Variants in LRP1B observed in about 807,000 individuals in gnomAD.
LRP1B encodes the protein LDL receptor related protein 1B.
LRP1B carries 217 observed loss-of-function variants against 556.6 expected under a neutral mutation model. That is an observed-to-expected ratio of 0.39 (90% confidence interval 0.35 to 0.44). The LOEUF (loss-of-function observed/expected upper bound fraction) is 0.44, where lower values mean the gene tolerates loss of function less well. LRP1B is among the 20% of genes least tolerant of loss of function. The pLI is 1.00. For synonymous variants in LRP1B, 2,047 were observed against 1,865.8 expected (o/e 1.10, Z -2.50); for missense variants, 5,053 against 5,620.8 (o/e 0.90, Z 3.23).
chr2:140,250,732 TG>T (rs1238047665), intron 86 of LRP1B, among the ~76,000 whole-genome samples: 1 of 151,740 alleles, frequency 6.6e-6, no homozygotes, highest in Non-Finnish European at 1.5e-5. Flanking sequence ...TCAAGTAACT[TG>T]GGATTGTGGT....
chr2:141,520,450 T>C (rs568587194), intron 2 of LRP1B, among the ~76,000 whole-genome samples: 12 of 152,076 alleles, frequency 7.9e-5, no homozygotes, highest in Non-Finnish European at 1.6e-4. Context: ...GGGGAAAGGA[T>C]AATATTTTTT....
chr2:141,196,914 C>T (rs1193369587), intron 6 of LRP1B, among the ~76,000 whole-genome samples: 3 of 152,078 alleles, frequency 2.0e-5, no homozygotes, highest in Non-Finnish European at 4.4e-5. Context: ...CCCACCCCAC[C>T]TTACAATGCA....
chr2:141,342,550 C>T (rs1242866573), intron 3 of LRP1B, among the ~76,000 whole-genome samples: 4 of 151,916 alleles, frequency 2.6e-5, no homozygotes, highest in Admixed American at 2.6e-4. Flanking sequence ...AACTGAAAAA[C>T]ACAGCACAAG....
At chr2:140,536,466 A>T in intron 46 of LRP1B, 115 bp downstream of exon 46, 1 of 996,338 alleles carries the variant, frequency 1.0e-6, no homozygotes, top group Non-Finnish European at 1.5e-6. Context: ...GATACAGGTT[A>T]ATGAGAGACA....
chr2:141,871,669 A>G (rs1438680671), intron 1 of LRP1B, among the ~76,000 whole-genome samples: 1 of 152,012 alleles, frequency 6.6e-6, no homozygotes, highest in Non-Finnish European at 1.5e-5. Flanking sequence ...ATTGTATAAG[A>G]CTATTTATAA....
chr2:141,144,528 G>A (rs897221906), intron 7 of LRP1B, among the ~76,000 whole-genome samples: 32 of 152,100 alleles, frequency 2.1e-4, no homozygotes, highest in African/African-American at 7.2e-4. Flanking sequence ...TTATATCTAA[G>A]TTAAATCTCT....
At chr2:141,099,210 T>G (rs1700400279) in intron 7 of LRP1B, among the ~76,000 whole-genome samples, 1 of 152,196 alleles carries the variant, frequency 6.6e-6, no homozygotes. Flanking sequence ...AGTAAATATT[T>G]GTAAATTTTT....
chr2:140,904,463 A>G (rs1694190562), intron 22 of LRP1B, among the ~76,000 whole-genome samples: 1 of 151,974 alleles, frequency 6.6e-6, no homozygotes, highest in African/African-American at 2.4e-5. Context: ...TATAATGCAA[A>G]TATTTCTGGT....
intron 7 of LRP1B, among the ~76,000 whole-genome samples, chr2:141,141,845 AAT>A (rs1701661150): frequency 6.6e-6 from 1 of 152,218 alleles, no homozygotes; most frequent in South Asian, 2.1e-4. Flanking sequence ...TATGTGAAAA[AAT>A]AGTTTATATA....
At chr2:142,024,184 T>C (rs955966379) in intron 1 of LRP1B, among the ~76,000 whole-genome samples, 6 of 152,242 alleles carry the variant, frequency 3.9e-5, no homozygotes, top group Non-Finnish European at 1.5e-5. Flanking sequence ...TACGAGGAAG[T>C]AATTAATTAT....
At chr2:141,622,478 G>C (rs912948901) in intron 2 of LRP1B, among the ~76,000 whole-genome samples, 2 of 152,180 alleles carry the variant, frequency 1.3e-5, no homozygotes, top group African/African-American at 4.8e-5. Context: ...TCAGCAGGTA[G>C]TATGGGTTTC....
intron 2 of LRP1B, among the ~76,000 whole-genome samples, chr2:141,784,578 T>C (rs1225984327): frequency 6.6e-6 from 1 of 151,902 alleles, no homozygotes; most frequent in Non-Finnish European, 1.5e-5. Context: ...ATCTAACCAC[T>C]CTAGAATCTA....
At position 140,291,318 on chromosome 2, in the gene LRP1B, A is replaced by ATATATATATTTTTT. The variant is rs369391920; in HGVS notation, c.12967+6489_12967+6490insAAAAAATATATATA. ...TTATTTTATATATATATATATATAT[A>ATATATATATTTTTT]TTTTTATTATACTTTAAGTTCTAGG... is the stretch of plus-strand genomic sequence containing the variant. On this transcript the variant is annotated intron_variant, in intron 84 of 90. Transcript: ENST00000389484. Among the ~76,000 whole-genome samples the ATATATATATTTTTT allele has an allele frequency of 9.2e-3, 1,005 of 109,254 alleles. 18 individuals carry two copies. Among genetic ancestry groups the ATATATATATTTTTT allele is most frequent in the African/African-American group, 0.026 (887 of 33,752 alleles). 71.7% of individuals were successfully genotyped at this position (109,254 alleles called of 152,430 possible). A position where few individuals can be genotyped will look rare whatever the true frequency, so the allele number is the denominator to read the frequency against.
intron 66 of LRP1B, among the ~76,000 whole-genome samples, chr2:140,392,918 C>G (rs1309048603): frequency 6.6e-6 from 1 of 150,694 alleles, no homozygotes; most frequent in Admixed American, 6.6e-5. Flanking sequence ...TATATGTAGG[C>G]CTTTCATATA....
chr2:141,338,045 C>T (rs982850902), intron 3 of LRP1B, among the ~76,000 whole-genome samples: 3 of 152,166 alleles, frequency 2.0e-5, no homozygotes, highest in South Asian at 2.1e-4. Flanking sequence ...TCAGGCCACA[C>T]GTTCCAATTC....
chr2:140,990,013 C>T (rs934049067), intron 16 of LRP1B, among the ~76,000 whole-genome samples: 2 of 151,830 alleles, frequency 1.3e-5, no homozygotes, highest in Non-Finnish European at 2.9e-5. Context: ...TGAGACCAGT[C>T]TGGCCAACTT....
At chr2:140,322,608 A>G (rs930172028) in intron 81 of LRP1B, among the ~76,000 whole-genome samples, 3 of 129,280 alleles carry the variant, frequency 2.3e-5, no homozygotes, top group Non-Finnish European at 4.9e-5. Context: ...TTTTTTTTTG[A>G]AAAGACATGT....
chr2:140,892,067 C>G (rs1693815472), intron 23 of LRP1B, among the ~76,000 whole-genome samples: 1 of 152,008 alleles, frequency 6.6e-6, no homozygotes, highest in Non-Finnish European at 1.5e-5. Context: ...TTCTAGGATA[C>G]AGTCCAGTGT....
At chr2:141,224,634 C>A (rs576153973) in intron 6 of LRP1B, among the ~76,000 whole-genome samples, 1 of 152,130 alleles carries the variant, frequency 6.6e-6, no homozygotes, top group African/African-American at 2.4e-5. Context: ...GAATACTATG[C>A]GGCCATAAAA....
Sources: gnomAD v4.1 joint callset for allele counts (sites outside exome capture counted in the v4.1 genomes callset) on GRCh38, gnomAD v4.1.1 for gene constraint, MANE v1.5 for transcripts, NCBI Gene and HGNC (gene_info 2026-07-23, HGNC 2026-07-21) for gene names.